The following EDNRA variants were observed in gnomAD, a reference collection of about 807,000 sequenced individuals.
EDNRA encodes endothelin receptor type A.
EDNRA carries 11 observed loss-of-function variants against 41.4 expected under a neutral mutation model. That is an observed-to-expected ratio of 0.27 (90% CI 0.17 to 0.44). EDNRA has a LOEUF of 0.44. Ranked by LOEUF, EDNRA falls within the 20% of genes least tolerant of loss-of-function variation. The pLI is 1.00. For synonymous variants in EDNRA, 172 were observed against 183.0 expected (o/e 0.94, Z 0.49); for missense variants, 294 against 531.0 (o/e 0.55, Z 4.39).
intron 3 of EDNRA, among the ~76,000 whole-genome samples, chr4:147,530,096 A>G (rs1730694571): frequency 6.6e-6 from 1 of 152,214 alleles, no homozygotes; most frequent in African/African-American, 2.4e-5. Flanking sequence ...GGCGCTTTAT[A>G]AAAATGAAGT....
intron 2 of EDNRA, among the ~76,000 whole-genome samples, chr4:147,508,238 A>G (rs1253859151): frequency 6.6e-6 from 1 of 152,180 alleles, no homozygotes. Context: ...TCCCGGGTTC[A>G]AGCGATTCTC....
intron 7 of EDNRA, 123 bp downstream of exon 7, chr4:147,540,608 G>C: frequency 1.5e-6 from 1 of 651,060 alleles, no homozygotes; most frequent in South Asian, 2.4e-5. Context: ...TAGCAGTGAA[G>C]TGAAAATCAT....
At position 147,533,025 on chromosome 4, in the gene EDNRA, G is replaced by GTA. The variant is rs10608985; in HGVS notation, c.747+334_747+335dup. On this transcript the variant is annotated intron_variant, in intron 4 of 7. Transcript: ENST00000651419. The stretch of plus-strand genomic sequence containing the variant: ...TGTGTATGTGTGTGTGTGTGTGTGT[G>GTA]TATATATATATATACATATGCTATT... Among the ~76,000 whole-genome samples the GTA allele has an allele frequency of 9.3e-3, 1,395 of 150,052 alleles. 27 individuals are homozygous for GTA. Among genetic ancestry groups the GTA allele is most frequent in the Admixed American group, 0.048 (718 of 15,078 alleles).
chr4:147,484,152 A>G lies in EDNRA; in HGVS notation c.-70-1460A>G, dbSNP rs186289137. Among the ~76,000 whole-genome samples the G allele has an allele frequency of 5.3e-5, 8 of 152,302 alleles. No homozygotes were observed. The East Asian group carries it at 1.3e-3, about 26-fold the overall frequency. Reference sequence around the variant, plus strand: ...AAAGCCTACAGAAAAGGAAATATATAAAATATTGAAATAGGATGAGCTATT... The same window carrying G: ...AAAGCCTACAGAAAAGGAAATATATGAAATATTGAAATAGGATGAGCTATT... On this transcript the variant is annotated intron_variant, in intron 1 of 7. Transcript: ENST00000651419.
chr4:147,499,145 T>C (rs1041915424), intron 2 of EDNRA, among the ~76,000 whole-genome samples: 1 of 152,120 alleles, frequency 6.6e-6, no homozygotes, highest in Non-Finnish European at 1.5e-5. Flanking sequence ...TGCCTTAAGC[T>C]CCTGAGCCCA....
At chr4:147,485,327 T>C (rs919639286) in intron 1 of EDNRA, among the ~76,000 whole-genome samples, 2 of 151,960 alleles carry the variant, frequency 1.3e-5, no homozygotes, top group African/African-American at 4.8e-5. Context: ...CAGAGATAGA[T>C]AGCTATAGAG....
At chr4:147,522,543 C>CAA (rs781724124) in intron 3 of EDNRA, among the ~76,000 whole-genome samples, 3 of 122,052 alleles carry the variant, frequency 2.5e-5, no homozygotes, top group South Asian at 5.1e-4. Context: ...GACTCTGTCT[C>CAA]AAAAAAAAAA....
At chr4:147,505,825 T>A (rs1380564981) in intron 2 of EDNRA, among the ~76,000 whole-genome samples, 1 of 151,824 alleles carries the variant, frequency 6.6e-6, no homozygotes, top group Non-Finnish European at 1.5e-5. Flanking sequence ...ATTTTTTGCA[T>A]TCTTAGTAGA....
At chr4:147,490,153 AC>A (rs1560893261) in intron 2 of EDNRA, 36 of 58,600 alleles carry the variant, frequency 6.1e-4, no homozygotes, top group Middle Eastern at 0.011. Context: ...ACACTCACAC[AC>A]ACACACACAC....
chr4:147,529,446 C>G (rs895152189), intron 3 of EDNRA, among the ~76,000 whole-genome samples: 3 of 152,188 alleles, frequency 2.0e-5, no homozygotes, highest in African/African-American at 7.2e-5. Context: ...GAAAAAACGT[C>G]TGAGCACTAA....
rs1237833145 is a variant in EDNRA at position 147,543,137 on chromosome 4, A to T, written c.*519A>T. 1 of 152,208 alleles carries T rather than the reference A, an allele frequency of 6.6e-6. No homozygotes were observed. Among genetic ancestry groups the T allele is most frequent in the Non-Finnish European group, 1.5e-5 (1 of 68,070 alleles). The allele number at this position is 152,208 out of a possible 1,614,324, so 9.4% of individuals were successfully genotyped here. On this transcript the variant is annotated 3_prime_UTR_variant, in exon 8 of 8. Coordinates refer to ENST00000651419, the MANE Select transcript of EDNRA (RefSeq NM_001957.4). The stretch of plus-strand genomic sequence containing the variant: ...TGCCAGTATTTTTTAACTGCATAAT[A>T]GCCTAACATGATTATTTGAACTTAT...
At chr4:147,491,575 T>G (rs1578776390) in intron 2 of EDNRA, 1 of 144,050 alleles carries the variant, frequency 6.9e-6, no homozygotes, top group Non-Finnish European at 1.5e-5. Flanking sequence ...AAGGTGGGGG[T>G]GGTGGTGGTG....
chr4:147,519,394 T>TA lies in EDNRA; in HGVS notation c.421-451dup, dbSNP rs1024751638. On this transcript the variant is annotated intron_variant, in intron 2 of 7. Coordinates refer to ENST00000651419, the MANE Select transcript of EDNRA (RefSeq NM_001957.4). The surrounding 1 kb of genome is among the most constrained non-coding windows in gnomAD (Gnocchi z 4.1). ...TTACTCATGGTTTAGTAAGCACAGATAAAAAACCACTGTCGGCTTCTCAGT... is the reference window on the plus strand; with the variant it reads ...TTACTCATGGTTTAGTAAGCACAGATAAAAAAACCACTGTCGGCTTCTCAGT... Among the ~76,000 whole-genome samples the TA allele has an allele frequency of 1.1e-4, 16 of 152,248 alleles. No homozygotes were observed. The highest frequency in any genetic ancestry group is 2.6e-4 in the African/African-American group (11 of 41,572).
chr4:147,498,563 T>TGA (rs10642617), intron 2 of EDNRA, among the ~76,000 whole-genome samples: 71,555 of 151,984 alleles, frequency 0.47, 21,036 homozygotes, highest in African/African-American at 0.84. Context: ...TGGCAGCTTT[T>TGA]GAGTAGTTTC....
At chr4:147,533,276 A>G (rs1375142457) in intron 4 of EDNRA, among the ~76,000 whole-genome samples, 1 of 152,220 alleles carries the variant, frequency 6.6e-6, no homozygotes, top group Non-Finnish European at 1.5e-5. Flanking sequence ...ATTTTGGTTT[A>G]ACAAATTCAG....
At chr4:147,540,746 A>G (rs1364141659) in intron 7 of EDNRA, among the ~76,000 whole-genome samples, 1 of 152,200 alleles carries the variant, frequency 6.6e-6, no homozygotes, top group Non-Finnish European at 1.5e-5. Context: ...ACCCTCCTTT[A>G]GAGAGAAATG....
intron 6 of EDNRA, 87 bp from the exon 7 acceptor site, chr4:147,540,290 A>G: frequency 8.6e-7 from 1 of 1,158,610 alleles, no homozygotes; most frequent in Non-Finnish European, 1.2e-6. Context: ...CTGGGCAAGA[A>G]AAATGCTTAT....
intron 3 of EDNRA, among the ~76,000 whole-genome samples, chr4:147,526,738 A>T (rs1469991122): frequency 6.6e-6 from 1 of 152,150 alleles, no homozygotes; most frequent in Non-Finnish European, 1.5e-5. Context: ...TGAAGTCAGG[A>T]ATTCAAGACT....
At chr4:147,541,835 G>C (rs6854578) in intron 7 of EDNRA, among the ~76,000 whole-genome samples, 13,070 of 152,136 alleles carry the variant, frequency 0.086, 1,308 homozygotes, top group African/African-American at 0.24. Context: ...ATTATATAAG[G>C]TGAAATTAAT....
Sources: gnomAD v4.1 joint callset for allele counts (sites outside exome capture counted in the v4.1 genomes callset) on GRCh38, gnomAD v4.1.1 for gene constraint, Gnocchi (gnomAD v3.1) non-coding constraint, MANE v1.5 for transcripts, NCBI Gene and HGNC (gene_info 2026-07-23, HGNC 2026-07-21) for gene names.